Variants in RBFOX1 observed in about 807,000 individuals in gnomAD.
The protein encoded by RBFOX1 is RNA binding fox-1 homolog 1.
A neutral mutation model predicts 57.7 loss-of-function variants in RBFOX1; 8 were observed. The ratio of observed to expected loss-of-function variants is 0.14; its 90% confidence interval spans 0.08 to 0.25. The LOEUF (loss-of-function observed/expected upper bound fraction) is 0.25. RBFOX1 is among the 10% of genes least tolerant of loss of function. The pLI, the probability that RBFOX1 is intolerant of heterozygous loss-of-function variation, is 1.00. For synonymous variants in RBFOX1, 326 were observed against 222.4 expected (o/e 1.47, Z -4.15); for missense variants, 611 against 548.5 (o/e 1.11, Z -1.14).
intron 3 of RBFOX1, among the ~76,000 whole-genome samples, chr16:6,719,650 G>A (rs886261368): frequency 6.6e-6 from 1 of 151,306 alleles, no homozygotes; most frequent in African/African-American, 2.4e-5. Context: ...GTTTCACCAT[G>A]TTAGCTAGGA....
intron 4 of RBFOX1, among the ~76,000 whole-genome samples, chr16:7,250,766 T>G (rs868213156): frequency 5.9e-5 from 9 of 152,348 alleles, no homozygotes; most frequent in Admixed American, 2.0e-4. Flanking sequence ...ATGACCTTTA[T>G]GTCATTCTAC....
At chr16:6,791,640 T>A (rs780205350) in intron 3 of RBFOX1, among the ~76,000 whole-genome samples, 10 of 152,128 alleles carry the variant, frequency 6.6e-5, no homozygotes, top group Non-Finnish European at 1.5e-4. Context: ...GTGCTTGTAG[T>A]CCCAGCTACT....
chr16:6,160,257 C>T (rs893261678), intron 1 of RBFOX1, among the ~76,000 whole-genome samples: 2 of 151,902 alleles, frequency 1.3e-5, no homozygotes, highest in Admixed American at 1.3e-4. Context: ...CAATTGTTGC[C>T]TCTGTTTTTT....
intron 3 of RBFOX1, among the ~76,000 whole-genome samples, chr16:5,748,563 G>A (rs981895762): frequency 2.0e-5 from 3 of 152,058 alleles, no homozygotes; most frequent in Non-Finnish European, 4.4e-5. Flanking sequence ...TGCTGTATTG[G>A]GTGCATATAT....
At chr16:6,660,252 C>T (rs1006380033) in intron 3 of RBFOX1, among the ~76,000 whole-genome samples, 1 of 149,826 alleles carries the variant, frequency 6.7e-6, no homozygotes, top group Non-Finnish European at 1.5e-5. Flanking sequence ...GCAAGAAATT[C>T]TTGCTTAAAG....
At chr16:7,550,716 C>T (rs944105888) in intron 5 of RBFOX1, among the ~76,000 whole-genome samples, 2 of 152,092 alleles carry the variant, frequency 1.3e-5, no homozygotes, top group East Asian at 3.9e-4. Context: ...CTGGAGGGCA[C>T]CTACAGTGAG....
intron 4 of RBFOX1, among the ~76,000 whole-genome samples, chr16:7,452,695 G>A (rs1313752265): frequency 6.6e-6 from 1 of 152,206 alleles, no homozygotes; most frequent in Admixed American, 6.5e-5. Flanking sequence ...AGGCTACACT[G>A]CTTAAAACCT....
At chr16:5,345,203 T>G (rs934685340) in intron 1 of RBFOX1, among the ~76,000 whole-genome samples, 12 of 152,164 alleles carry the variant, frequency 7.9e-5, no homozygotes, top group African/African-American at 2.9e-4. Context: ...GCCAGTCCCT[T>G]TCTTTAGTTC....
At chr16:6,604,929 A>T (rs1440937170) in intron 2 of RBFOX1, among the ~76,000 whole-genome samples, 1 of 152,118 alleles carries the variant, frequency 6.6e-6, no homozygotes, top group Non-Finnish European at 1.5e-5. Context: ...TGAGCCCAGA[A>T]TTTGAGACCA....
intron 2 of RBFOX1, among the ~76,000 whole-genome samples, chr16:6,362,513 G>C (rs934199386): frequency 6.6e-6 from 1 of 152,170 alleles, no homozygotes; most frequent in Non-Finnish European, 1.5e-5. Flanking sequence ...ACTGGCTCAC[G>C]CATTTGTGTG....
intron 1 of RBFOX1, among the ~76,000 whole-genome samples, chr16:5,457,181 G>C (rs2068656044): frequency 6.6e-6 from 1 of 152,108 alleles, no homozygotes; most frequent in Non-Finnish European, 1.5e-5. Flanking sequence ...CTGCCACCCA[G>C]ACTGGAGTGC....
intron 4 of RBFOX1, among the ~76,000 whole-genome samples, chr16:7,445,807 C>T (rs1173971478): frequency 7.2e-5 from 11 of 152,182 alleles, no homozygotes. Context: ...TAATCTACAA[C>T]AACAAATATT....
At position 6,812,462 on chromosome 16, in the gene RBFOX1, C is replaced by T. The variant is rs536641848; in HGVS notation, c.-16+157812C>T. Among the ~76,000 whole-genome samples, 4 of 152,228 alleles carry T rather than the reference C, an allele frequency of 2.6e-5. No homozygotes were observed. In the South Asian group the frequency reaches 8.3e-4, roughly 32 times the overall value. On this transcript the variant is annotated intron_variant, in intron 3 of 15. Transcript: ENST00000550418. ...GATCTCGGCTCATTGCAACCTCCACCTCTAGGGTTCAAGTGATTCTCTTGC... is the reference window on the plus strand; with the variant it reads ...GATCTCGGCTCATTGCAACCTCCACTTCTAGGGTTCAAGTGATTCTCTTGC...
At chr16:7,680,523 A>G (rs1177504396) in intron 14 of RBFOX1, among the ~76,000 whole-genome samples, 1 of 152,082 alleles carries the variant, frequency 6.6e-6, no homozygotes, top group Non-Finnish European at 1.5e-5. Flanking sequence ...TTTCACTCAG[A>G]TTTCATCACA....
At chr16:6,218,966 T>C (rs1309095997) in intron 1 of RBFOX1, among the ~76,000 whole-genome samples, 1 of 152,112 alleles carries the variant, frequency 6.6e-6, no homozygotes, top group East Asian at 1.9e-4. Flanking sequence ...AAAAGCATAA[T>C]AGTCAGTAGC....
At chr16:6,458,545 A>G (rs1329607407) in intron 2 of RBFOX1, among the ~76,000 whole-genome samples, 1 of 152,208 alleles carries the variant, frequency 6.6e-6, no homozygotes, top group Admixed American at 6.5e-5. Flanking sequence ...AACTTGGAGA[A>G]TACAGACAAA....
intron 2 of RBFOX1, among the ~76,000 whole-genome samples, chr16:6,368,366 A>G (rs1315281561): frequency 6.6e-6 from 1 of 152,200 alleles, no homozygotes; most frequent in Non-Finnish European, 1.5e-5. Flanking sequence ...ATGGCATGCT[A>G]GCAGGTAGTA....
At chr16:6,179,982 T>A (rs1050304755) in intron 1 of RBFOX1, among the ~76,000 whole-genome samples, 1 of 152,208 alleles carries the variant, frequency 6.6e-6, no homozygotes, top group African/African-American at 2.4e-5. Context: ...GTTGAGATGA[T>A]CATATGGTGT....
At chr16:7,188,137 T>A (rs1357432254) in intron 4 of RBFOX1, among the ~76,000 whole-genome samples, 1 of 152,202 alleles carries the variant, frequency 6.6e-6, no homozygotes, top group Non-Finnish European at 1.5e-5. Context: ...ATCAGCCAAC[T>A]CAGCAAGAGG....
Sources: gnomAD v4.1 joint callset for allele counts (sites outside exome capture counted in the v4.1 genomes callset) on GRCh38, gnomAD v4.1.1 for gene constraint, MANE v1.5 for transcripts, NCBI Gene and HGNC (gene_info 2026-07-23, HGNC 2026-07-21) for gene names.